Variants in PLCG2 observed in about 807,000 individuals in gnomAD.
PLCG2 encodes the protein 1-phosphatidylinositol 4,5-bisphosphate phosphodiesterase gamma-2.
PLCG2 carries 69 observed loss-of-function variants against 175.6 expected under a neutral mutation model. That is an observed-to-expected ratio of 0.39 (90% CI 0.32 to 0.48). The LOEUF is 0.48. Ranked by LOEUF, PLCG2 falls within the 20% of genes least tolerant of loss-of-function variation. PLCG2 has a pLI of 0.91. For missense variants in PLCG2, 1,798 were observed against 1,650.9 expected (o/e 1.09, Z -1.54); for synonymous variants, 827 against 624.0 (o/e 1.33, Z -4.85).
At position 81,933,820 on chromosome 16, in the gene PLCG2, C is replaced by T. The variant is rs771200357; in HGVS notation, c.2740-609C>T. ...ATTTGGGGAGGCCCAACAGGGTTGC[C>T]TGCTTTGGGGTGAAGTGAGAAGCTC... On this transcript the variant is annotated intron_variant, in intron 25 of 32. Coordinates refer to ENST00000564138, the MANE Select transcript of PLCG2 (RefSeq NM_002661.5). Among the ~76,000 whole-genome samples, 134 of 152,174 alleles carry T rather than the reference C, an allele frequency of 8.8e-4. 1 individual carries two copies. The highest frequency in any genetic ancestry group is 8.2e-4 in the Non-Finnish European group (56 of 68,034).
chr16:81,908,438 A>C lies in PLCG2; in HGVS notation c.1580A>C (p.His527Pro). 15 of 1,614,066 alleles carry C rather than the reference A, an allele frequency of 9.3e-6. No individual in the cohort carries two copies. Among genetic ancestry groups the C allele is most frequent in the Non-Finnish European group, 1.3e-5 (15 of 1,179,990 alleles). ...VPQDIPPTEL[H>P]FGEKWFHKKV... ...CAGGATATACCCCCTACAGAACTAC[A>C]TTTTGGGGAGAAATGGTTCCACAAG... The change falls in exon 17 of 33, where the codon CAT becomes CCT. Residue 527 changes from histidine (H) to proline (P), a missense_variant. By Grantham distance (77) the His-to-Pro change is moderately conservative (BLOSUM62 -2). Transcript: ENST00000564138.
At chr16:81,842,302 G>A (rs1474214663) in intron 2 of PLCG2, among the ~76,000 whole-genome samples, 1 of 152,166 alleles carries the variant, frequency 6.6e-6, no homozygotes, top group African/African-American at 2.4e-5. Context: ...GAGCCCCAGT[G>A]TGGACTCTGT....
intron 26 of PLCG2, chr16:81,935,487 G>A (rs12149858): frequency 5.1e-5 from 50 of 979,190 alleles, no homozygotes; most frequent in Admixed American, 6.2e-5. Flanking sequence ...GATGCTGTAC[G>A]TATTTTTTTC....
At chr16:81,819,882 C>T (rs945867217) in intron 2 of PLCG2, among the ~76,000 whole-genome samples, 20 of 152,222 alleles carry the variant, frequency 1.3e-4, no homozygotes, top group Admixed American at 9.2e-4. Flanking sequence ...CTGTGCCTAG[C>T]CCTAGCTCAG....
upstream of PLCG2, among the ~76,000 whole-genome samples, chr16:81,775,544 C>G (rs559988520): frequency 1.1e-4 from 17 of 152,276 alleles, no homozygotes; most frequent in Admixed American, 3.3e-4. Flanking sequence ...CACAGTCCCC[C>G]TCAGATGTAG....
intron 2 of PLCG2, among the ~76,000 whole-genome samples, chr16:81,841,035 G>T (rs1905798714): frequency 6.6e-6 from 1 of 152,084 alleles, no homozygotes; most frequent in Non-Finnish European, 1.5e-5. Context: ...TAGAATCACA[G>T]ACCTAATTAT....
intron 4 of PLCG2, among the ~76,000 whole-genome samples, chr16:81,858,777 C>G (rs1016861309): frequency 3.3e-5 from 5 of 152,168 alleles, no homozygotes; most frequent in African/African-American, 1.2e-4. Flanking sequence ...TCATGGGAGT[C>G]TAGATGGGCA....
chr16:81,883,327 A>T lies in PLCG2; in HGVS notation c.751A>T (p.Ile251Leu), dbSNP rs190840748. 1.1e-5 allele frequency: 18 copies of T among 1,613,848 alleles called. No homozygotes were observed. Among genetic ancestry groups the T allele is most frequent in the Non-Finnish European group, 1.4e-5 (17 of 1,179,898 alleles). ...CCTGCATGACTTCCAGAGGTTTCTC[A>T]TACATGAACAGCAGGTGAGAGCACA... ...VYLHDFQRFLIHEQQEHWAQD... is the reference protein window; with the variant it reads ...VYLHDFQRFLLHEQQEHWAQD... The change falls in exon 9 of 33, where the codon ATA (isoleucine) becomes TTA (leucine). Residue 251 changes from isoleucine (I) to leucine (L), a missense_variant. Ile to Leu is a conservative substitution (Grantham distance 5, BLOSUM62 2). Coordinates refer to ENST00000564138, the MANE Select transcript of PLCG2 (RefSeq NM_002661.5).
At chr16:81,919,741 A>G in intron 20 of PLCG2, 77 bp downstream of exon 20, 1 of 1,251,570 alleles carries the variant, frequency 8.0e-7, no homozygotes, top group Non-Finnish European at 1.1e-6. Flanking sequence ...GAATTCAGCA[A>G]ACCTCTGAGT....
chr16:81,782,979 G>C (rs1910806988), intron 1 of PLCG2: 1 of 387,024 alleles, frequency 2.6e-6, no homozygotes, highest in Non-Finnish European at 5.0e-6. Context: ...GTGAGACGCA[G>C]CATGGAAGTC....
At chr16:81,935,843 A>G in intron 26 of PLCG2, 1 of 985,056 alleles carries the variant, frequency 1.0e-6, no homozygotes, top group Non-Finnish European at 1.2e-6. Context: ...ACCCAAAACC[A>G]TTCCCATTCT....
intron 31 of PLCG2, among the ~76,000 whole-genome samples, chr16:81,946,679 C>T (rs145694307): frequency 1.6e-3 from 251 of 152,272 alleles, no homozygotes; most frequent in African/African-American, 5.8e-3. Flanking sequence ...ATTAATCACC[C>T]CCCAAGCTGA....
intron 31 of PLCG2, among the ~76,000 whole-genome samples, chr16:81,952,945 C>A (rs1049491275): frequency 6.6e-6 from 1 of 152,212 alleles, no homozygotes; most frequent in Non-Finnish European, 1.5e-5. Context: ...CCATCTTAAT[C>A]AGATGATCAA....
chr16:81,837,449 C>T (rs983452514), intron 2 of PLCG2, among the ~76,000 whole-genome samples: 6 of 152,194 alleles, frequency 3.9e-5, no homozygotes, highest in South Asian at 2.1e-4. Context: ...TCTAGCTGGG[C>T]GGGAAATAGG....
intron 2 of PLCG2, among the ~76,000 whole-genome samples, chr16:81,829,933 C>G (rs1403805936): frequency 6.6e-6 from 1 of 151,968 alleles, no homozygotes; most frequent in African/African-American, 2.4e-5. Flanking sequence ...TATTCTACCT[C>G]TCGGTGGCAT....
chr16:81,877,742 G>A (rs1464042497), intron 7 of PLCG2, among the ~76,000 whole-genome samples: 2 of 152,030 alleles, frequency 1.3e-5, no homozygotes, highest in African/African-American at 4.8e-5. Flanking sequence ...CGGCATGTAG[G>A]CGTCATCGCT....
intron 28 of PLCG2, 34 bp from the exon 29 acceptor site, chr16:81,938,767 A>AG (rs779978000): frequency 1.0e-5 from 14 of 1,363,112 alleles, no homozygotes; most frequent in Non-Finnish European, 1.5e-5. Flanking sequence ...TCAGGACCCC[A>AG]GGGGGGTTCC....
At chr16:81,800,748 T>C (rs970961614) in intron 2 of PLCG2, among the ~76,000 whole-genome samples, 2 of 152,126 alleles carry the variant, frequency 1.3e-5, no homozygotes, top group Non-Finnish European at 2.9e-5. Context: ...CAAGATGCCC[T>C]TGTCTTAATC....
intron 2 of PLCG2, among the ~76,000 whole-genome samples, chr16:81,852,434 A>G (rs949861428): frequency 6.6e-6 from 1 of 151,776 alleles, no homozygotes; most frequent in Non-Finnish European, 1.5e-5. Flanking sequence ...CCATGAAAAG[A>G]TGATTGTTGT....
Sources: allele counts gnomAD v4.1 joint callset (sites outside exome capture counted in the v4.1 genomes callset), GRCh38; gene constraint gnomAD v4.1.1; transcripts MANE v1.5; gene names NCBI Gene and HGNC (gene_info 2026-07-23, HGNC 2026-07-21).